Variants in RASSF3 observed in about 807,000 individuals in gnomAD.
RASSF3 encodes the protein Ras association domain family member 3.
A neutral mutation model predicts 19.9 loss-of-function variants in RASSF3; 19 were observed. The ratio of observed to expected loss-of-function variants is 0.96; its 90% CI spans 0.67 to 1.40. The LOEUF (loss-of-function observed/expected upper bound fraction) is 1.40, where lower values mean the gene tolerates loss of function less well. Ranked by LOEUF, RASSF3 falls within the 40% of genes most tolerant of loss-of-function variation. The pLI, the probability that RASSF3 is intolerant of heterozygous loss-of-function variation, is 0.00. For missense variants in RASSF3, 306 were observed against 289.8 expected (o/e 1.06, Z -0.41); for synonymous variants, 110 against 104.2 (o/e 1.06, Z -0.34).
downstream of RASSF3, among the ~76,000 whole-genome samples, chr12:64,544,429 C>T (rs11175439): frequency 0.15 from 23,103 of 152,072 alleles, 2,285 homozygotes; most frequent in African/African-American, 0.28. Flanking sequence ...GGAGGGTCCG[C>T]GGGTTCATTC....
intron 1 of RASSF3, chr12:64,611,636 CA>C (rs1277645459): frequency 6.6e-6 from 1 of 152,272 alleles, no homozygotes; most frequent in African/African-American, 2.4e-5. Context: ...ACGCTCACAT[CA>C]GATTACAGAA....
At chr12:64,538,983 T>C (rs1333068571) in intron 1 of RASSF3, among the ~76,000 whole-genome samples, 2 of 151,936 alleles carry the variant, frequency 1.3e-5, no homozygotes, top group East Asian at 1.9e-4. Flanking sequence ...GAGGTGGAGG[T>C]TGCAGTGAGC....
At chr12:64,557,182 G>A (rs1025789512) in intron 2 of RASSF3, among the ~76,000 whole-genome samples, 1 of 151,964 alleles carries the variant, frequency 6.6e-6, no homozygotes, top group Non-Finnish European at 1.5e-5. Context: ...TCTCACCTTG[G>A]CAGTTCTCAG....
intron 2 of RASSF3, among the ~76,000 whole-genome samples, chr12:64,554,497 G>A (rs1210245182): frequency 6.6e-6 from 1 of 152,142 alleles, no homozygotes; most frequent in Non-Finnish European, 1.5e-5. Context: ...TAGAGACAGG[G>A]TTTCGCCATG....
intron 1 of RASSF3, among the ~76,000 whole-genome samples, chr12:64,639,323 A>G (rs1304681403): frequency 6.6e-6 from 1 of 152,050 alleles, no homozygotes; most frequent in African/African-American, 2.4e-5. Flanking sequence ...ACCTAGGACC[A>G]CAATGAGAGA....
At chr12:64,586,170 A>G (rs1869795380) in intron 2 of RASSF3, among the ~76,000 whole-genome samples, 1 of 151,996 alleles carries the variant, frequency 6.6e-6, no homozygotes, top group African/African-American at 2.4e-5. Context: ...CTAAAAATAC[A>G]AAAATTAGCT....
chr12:64,518,525 C>T (rs992528331), intron 1 of RASSF3, among the ~76,000 whole-genome samples: 3 of 152,166 alleles, frequency 2.0e-5, no homozygotes, highest in Non-Finnish European at 4.4e-5. Flanking sequence ...CACTTATTAC[C>T]GCAAGGATGG....
intron 1 of RASSF3, among the ~76,000 whole-genome samples, chr12:64,659,162 G>A (rs1297713151): frequency 6.6e-6 from 1 of 152,168 alleles, no homozygotes; most frequent in Non-Finnish European, 1.5e-5. Flanking sequence ...TCCTGCCTGT[G>A]TTTTTAGACA....
intron 1 of RASSF3, among the ~76,000 whole-genome samples, chr12:64,512,528 C>T (rs985002897): frequency 1.3e-5 from 2 of 152,050 alleles, no homozygotes; most frequent in South Asian, 2.1e-4. Flanking sequence ...TAAAAGGCTA[C>T]TTATTTTTCC....
In RASSF3 at chr12:64,657,919, C is replaced by A. The variant is rs954029684; in HGVS notation, c.112-26868C>A. Among the ~76,000 whole-genome samples, 9 of 151,872 alleles carry A rather than the reference C, an allele frequency of 5.9e-5. No homozygotes were observed. The South Asian group carries it at 1.9e-3, about 32-fold the overall frequency. On this transcript the variant is annotated intron_variant, in intron 1 of 4. Coordinates refer to ENST00000542104, the MANE Select transcript of RASSF3 (RefSeq NM_178169.4). ...GCGAGACCTCATCTCTACAAAACTT[C>A]AAAAAAAATTAGCCAGACATGGTGG...
chr12:64,510,621 C>T (rs757074928), intron 1 of RASSF3, among the ~76,000 whole-genome samples: 19 of 152,180 alleles, frequency 1.2e-4, no homozygotes, highest in Non-Finnish European at 2.2e-4. Context: ...GCTGACTCTC[C>T]TGCAGCTCTC....
intron 4 of RASSF3, among the ~76,000 whole-genome samples, chr12:64,693,307 T>A (rs1179065251): frequency 6.6e-6 from 1 of 152,170 alleles, no homozygotes; most frequent in Non-Finnish European, 1.5e-5. Flanking sequence ...TCCACCAGGA[T>A]CCAGGGCCCC....
chr12:64,584,503 G>GAAAAAAAAAAAAA (rs11461888), intron 2 of RASSF3, among the ~76,000 whole-genome samples: 1 of 112,716 alleles, frequency 8.9e-6, no homozygotes, highest in Non-Finnish European at 1.8e-5. Flanking sequence ...TCCAGGCTAA[G>GAAAAAAAAAAAAA]AAAAAAAAAA....
chr12:64,641,991 C>T (rs913350649), intron 1 of RASSF3, among the ~76,000 whole-genome samples: 3 of 152,054 alleles, frequency 2.0e-5, no homozygotes, highest in Admixed American at 6.5e-5. Flanking sequence ...ATCCGCCTAT[C>T]TTGGCCTCCC....
chr12:64,582,066 G>A (rs1437212314), intron 2 of RASSF3, among the ~76,000 whole-genome samples: 1 of 151,928 alleles, frequency 6.6e-6, no homozygotes, highest in Non-Finnish European at 1.5e-5. Flanking sequence ...GCCCAGGTGG[G>A]GGTCTCAAAT....
intron 1 of RASSF3, among the ~76,000 whole-genome samples, chr12:64,611,867 C>T (rs117019209): frequency 6.6e-6 from 1 of 152,240 alleles, no homozygotes; most frequent in East Asian, 1.9e-4. Context: ...TTCTAAAATT[C>T]GGAAGTTCTA....
rs965181326 is a variant in RASSF3 at position 64,697,467 on chromosome 12, G to T, written c.*2555G>T. ...AAAAAGTTATAATATTTATAATTTTGATGGGTTTAAGTTTATTTTTGTAGG... is the reference window on the plus strand; with the variant it reads ...AAAAAGTTATAATATTTATAATTTTTATGGGTTTAAGTTTATTTTTGTAGG... On this transcript the variant is annotated 3_prime_UTR_variant, in exon 5 of 5. Coordinates refer to ENST00000542104, the MANE Select transcript of RASSF3 (RefSeq NM_178169.4). 10 of 152,126 alleles carry T rather than the reference G, an allele frequency of 6.6e-5. No individual in the cohort carries two copies. The allele number at this position is 152,126 out of a possible 1,614,324, so 9.4% of individuals were successfully genotyped here.
chr12:64,640,276 C>T (rs2136181701), intron 1 of RASSF3, among the ~76,000 whole-genome samples: 1 of 152,268 alleles, frequency 6.6e-6, no homozygotes, highest in East Asian at 1.9e-4. Flanking sequence ...ACATCTGTTG[C>T]CTCCAAATTT....
At chr12:64,604,689 G>A (rs1870155833) in intron 2 of RASSF3, among the ~76,000 whole-genome samples, 1 of 151,448 alleles carries the variant, frequency 6.6e-6, no homozygotes, top group Admixed American at 6.6e-5. Context: ...CCAGGCTGGA[G>A]TGCAGTGGCG....
Sources: gnomAD v4.1 joint callset for allele counts (sites outside exome capture counted in the v4.1 genomes callset) on GRCh38, gnomAD v4.1.1 for gene constraint, MANE v1.5 for transcripts, NCBI Gene and HGNC (gene_info 2026-07-23, HGNC 2026-07-21) for gene names.